Variants in SSBP3 observed in about 807,000 individuals in gnomAD.
SSBP3 encodes single-stranded DNA-binding protein 3.
In SSBP3, 5 loss-of-function variants were observed where a neutral mutation model predicts 69.6. That is an observed-to-expected ratio of 0.07 (90% CI 0.04 to 0.15). The LOEUF (loss-of-function observed/expected upper bound fraction) is 0.15. Ranked by LOEUF, SSBP3 falls within the 10% of genes least tolerant of loss-of-function variation. The pLI is 1.00. For synonymous variants in SSBP3, 196 were observed against 193.4 expected, an observed-to-expected ratio of 1.01 and a Z score of -0.11; for missense variants, 312 against 534.0, an observed-to-expected ratio of 0.58 and a Z score of 4.10.
chr1:54,339,710 C>T (rs1444856758), intron 4 of SSBP3, among the ~76,000 whole-genome samples: 3 of 152,048 alleles, frequency 2.0e-5, no homozygotes, highest in East Asian at 3.9e-4. Context: ...GTCAGGAGTT[C>T]GAGACCAGCC....
intron 4 of SSBP3, among the ~76,000 whole-genome samples, chr1:54,398,828 C>T (rs919293788): frequency 2.0e-5 from 3 of 152,140 alleles, no homozygotes; most frequent in Admixed American, 6.5e-5. Flanking sequence ...CTCCCGTTGC[C>T]CCTGTAAGCA....
At chr1:54,236,084 T>C (rs1246908410) in intron 14 of SSBP3, among the ~76,000 whole-genome samples, 1 of 152,064 alleles carries the variant, frequency 6.6e-6, no homozygotes, top group East Asian at 1.9e-4. Flanking sequence ...CAAAACAGTA[T>C]ATACATTTCT....
intron 4 of SSBP3, among the ~76,000 whole-genome samples, chr1:54,364,254 C>T (rs149213157): frequency 6.6e-6 from 1 of 152,202 alleles, no homozygotes; most frequent in African/African-American, 2.4e-5. Context: ...ACCCACAAAG[C>T]CTGAAATATT....
exon 18 of SSBP3, chr1:54,226,519 G>A (rs1305793182): frequency 6.5e-6 from 1 of 152,800 alleles, no homozygotes; most frequent in Non-Finnish European, 1.5e-5. Context: ...AGAAACCAAC[G>A]ATTGTAAACT....
chr1:54,342,597 A>C (rs1646628314), intron 4 of SSBP3, among the ~76,000 whole-genome samples: 2 of 152,192 alleles, frequency 1.3e-5, no homozygotes, highest in African/African-American at 4.8e-5. Flanking sequence ...CAGGAACAAA[A>C]GGGACAGACT....
chr1:54,319,639 C>T (rs186393946), intron 4 of SSBP3, among the ~76,000 whole-genome samples: 143 of 152,076 alleles, frequency 9.4e-4, no homozygotes, highest in African/African-American at 3.3e-3. Context: ...ACCACACAGA[C>T]CCTCCCTGAA....
intron 9 of SSBP3, among the ~76,000 whole-genome samples, chr1:54,246,504 G>T (rs555858468): frequency 6.6e-6 from 1 of 152,164 alleles, no homozygotes; most frequent in South Asian, 2.1e-4. Flanking sequence ...AGCACGGAGT[G>T]GGGTGAGAGG....
intron 5 of SSBP3, among the ~76,000 whole-genome samples, chr1:54,275,418 C>T (rs1262013668): frequency 7.2e-5 from 11 of 152,280 alleles, no homozygotes; most frequent in African/African-American, 1.9e-4. Context: ...GAGGCCTTTC[C>T]TGCTGCAGCA....
intron 9 of SSBP3, 83 bp from the exon 10 acceptor site, chr1:54,243,382 T>C (rs1644676590): frequency 5.4e-6 from 8 of 1,477,692 alleles, no homozygotes; most frequent in East Asian, 2.3e-5. Flanking sequence ...AGACAAAACA[T>C]AGTGAGAGGG....
At chr1:54,376,165 T>A (rs6699195) in intron 4 of SSBP3, among the ~76,000 whole-genome samples, 1 of 150,920 alleles carries the variant, frequency 6.6e-6, no homozygotes, top group African/African-American at 2.4e-5. Flanking sequence ...CCCTCCACCC[T>A]GTTCACTCGT....
chr1:54,306,948 C>G (rs1288590200), intron 4 of SSBP3, among the ~76,000 whole-genome samples: 1 of 152,192 alleles, frequency 6.6e-6, no homozygotes, highest in African/African-American at 2.4e-5. Flanking sequence ...GACCCTCCAA[C>G]TACTGCTTAC....
At chr1:54,375,495 G>C (rs1374314989) in intron 4 of SSBP3, among the ~76,000 whole-genome samples, 1 of 152,172 alleles carries the variant, frequency 6.6e-6, no homozygotes, top group Non-Finnish European at 1.5e-5. Flanking sequence ...AGGCCTGCTT[G>C]AAGCTGCTAC....
chr1:54,333,331 T>TG (rs1646453364), intron 4 of SSBP3, among the ~76,000 whole-genome samples: 1 of 152,150 alleles, frequency 6.6e-6, no homozygotes, highest in Non-Finnish European at 1.5e-5. Flanking sequence ...GGAGAGCAGA[T>TG]GCCTCTCCCA....
At chr1:54,285,468 G>A (rs1374597216) in intron 4 of SSBP3, 4 of 152,090 alleles carry the variant, frequency 2.6e-5, no homozygotes, top group Admixed American at 2.6e-4. Context: ...TGTATTAGCA[G>A]GATCTAGAAT....
chr1:54,369,708 G>T (rs80194843), intron 4 of SSBP3, among the ~76,000 whole-genome samples: 1 of 151,576 alleles, frequency 6.6e-6, no homozygotes, highest in Non-Finnish European at 1.5e-5. Flanking sequence ...AAGACGCTCA[G>T]AACAGAATCA....
chr1:54,266,551 G>A (rs558121635), intron 5 of SSBP3, among the ~76,000 whole-genome samples: 1 of 152,158 alleles, frequency 6.6e-6, no homozygotes, highest in South Asian at 2.1e-4. Flanking sequence ...GTTAGATGAT[G>A]GTCCTCAAGA....
chr1:54,368,676 A>G (rs998730024), intron 4 of SSBP3, among the ~76,000 whole-genome samples: 1 of 152,142 alleles, frequency 6.6e-6, no homozygotes, highest in African/African-American at 2.4e-5. Flanking sequence ...GAAGCCCTAC[A>G]CTAAAGAAGC....
intron 1 of SSBP3, among the ~76,000 whole-genome samples, chr1:54,412,018 C>T (rs1166234565): frequency 2.0e-5 from 3 of 152,160 alleles, no homozygotes; most frequent in Non-Finnish European, 4.4e-5. Context: ...TCTGAGTTCT[C>T]TCAGCCTGGG....
intron 14 of SSBP3, among the ~76,000 whole-genome samples, chr1:54,232,728 G>C (rs6700171): frequency 0.015 from 2,199 of 147,768 alleles, 52 homozygotes; most frequent in African/African-American, 0.051. Flanking sequence ...GAGTGCCTGC[G>C]ATTGCAGGCA....
Sources: gnomAD v4.1 joint callset for allele counts (sites outside exome capture counted in the v4.1 genomes callset) on GRCh38, gnomAD v4.1.1 for gene constraint, MANE v1.5 for transcripts, NCBI Gene and HGNC (gene_info 2026-07-23, HGNC 2026-07-21) for gene names.